ZNF787: variants seen among roughly 807,000 people sequenced by gnomAD.
The protein encoded by ZNF787 is TTF-I-interacting peptide 20.
Under a neutral mutation model 16.9 loss-of-function variants are expected in ZNF787, and 7 were observed. The ratio of observed to expected loss-of-function variants is 0.42; its 90% confidence interval spans 0.24 to 0.78. ZNF787 has a LOEUF of 0.78. Among genes scored for constraint, ZNF787 ranks in the 30% least tolerant of loss-of-function variants. ZNF787 has a pLI of 0.30. For synonymous variants in ZNF787, 345 were observed against 270.9 expected (o/e 1.27, Z -2.69); for missense variants, 551 against 589.3 (o/e 0.94, Z 0.67).
At chr19:56,094,941 TCTTAA>T (rs910407637) in intron 2 of ZNF787, among the ~76,000 whole-genome samples, 7 of 152,010 alleles carry the variant, frequency 4.6e-5, no homozygotes, top group Non-Finnish European at 5.9e-5. Flanking sequence ...TGAAACCCCA[TCTTAA>T]CTTAAAAAAA....
chr19:56,095,677 C>A (rs1985843456), intron 2 of ZNF787, among the ~76,000 whole-genome samples: 1 of 152,246 alleles, frequency 6.6e-6, no homozygotes, highest in Non-Finnish European at 1.5e-5. Context: ...AGGTTCTGCC[C>A]TGCACAGCAC....
At chr19:56,113,596 C>T (rs1198489462) in intron 1 of ZNF787, among the ~76,000 whole-genome samples, 2 of 152,026 alleles carry the variant, frequency 1.3e-5, no homozygotes, top group Non-Finnish European at 2.9e-5. Context: ...AAAACAAGCC[C>T]GATGCAGAAC....
At chr19:56,090,747 G>T (rs957617433) in intron 2 of ZNF787, among the ~76,000 whole-genome samples, 14 of 152,298 alleles carry the variant, frequency 9.2e-5, no homozygotes, top group Admixed American at 7.8e-4. Context: ...ACTTGAACCC[G>T]GGAGGCAGAG....
At chr19:56,111,993 C>G (rs939204717) in intron 1 of ZNF787, among the ~76,000 whole-genome samples, 29 of 152,174 alleles carry the variant, frequency 1.9e-4, no homozygotes, top group Admixed American at 1.7e-3. Flanking sequence ...CCCCAGTTCT[C>G]TTCTTCTCCC....
chr19:56,115,701 C>T (rs577478476), intron 1 of ZNF787, among the ~76,000 whole-genome samples: 3 of 152,290 alleles, frequency 2.0e-5, no homozygotes, highest in South Asian at 2.1e-4. Context: ...TCCTCGGGGG[C>T]ATCAGCACAG....
At chr19:56,095,424 T>C (rs188700632) in intron 2 of ZNF787, among the ~76,000 whole-genome samples, 19 of 152,074 alleles carry the variant, frequency 1.2e-4, no homozygotes, top group African/African-American at 4.4e-4. Flanking sequence ...TTTGGGAAGG[T>C]TGAACTCAGT....
intron 2 of ZNF787, 117 bp downstream of exon 2, chr19:56,103,022 C>A: frequency 8.4e-7 from 1 of 1,189,974 alleles, no homozygotes; most frequent in East Asian, 2.4e-5. Context: ...GTCGGGTGGT[C>A]CCAGGGCCCC....
chr19:56,101,166 AG>A (rs1210743056), intron 2 of ZNF787, among the ~76,000 whole-genome samples: 4 of 149,326 alleles, frequency 2.7e-5, no homozygotes, highest in Non-Finnish European at 6.0e-5. Context: ...CGCCATGGCC[AG>A]GCCAACCCCC....
At chr19:56,092,049 T>TGAAGC (rs1568523633) in intron 2 of ZNF787, among the ~76,000 whole-genome samples, 13 of 137,080 alleles carry the variant, frequency 9.5e-5, no homozygotes, top group African/African-American at 3.9e-4. Context: ...AGCCGAAGCC[T>TGAAGC]CACCCTCACC....
At chr19:56,109,550 A>G (rs1383730649) in intron 1 of ZNF787, among the ~76,000 whole-genome samples, 1 of 152,202 alleles carries the variant, frequency 6.6e-6, no homozygotes, top group Non-Finnish European at 1.5e-5. Context: ...CCTCAGGTCT[A>G]ACTGCTTCAG....
At chr19:56,095,309 C>G (rs919123455) in intron 2 of ZNF787, among the ~76,000 whole-genome samples, 2 of 152,234 alleles carry the variant, frequency 1.3e-5, no homozygotes, top group African/African-American at 4.8e-5. Flanking sequence ...GTACCAAGGA[C>G]TGGGGACCCT....
At chr19:56,116,729 CG>C in intron 1 of ZNF787, among the ~76,000 whole-genome samples, 1 of 152,226 alleles carries the variant, frequency 6.6e-6, no homozygotes, top group East Asian at 1.9e-4. Flanking sequence ...GATTCTCCCC[CG>C]GGGCCTTTGC....
rs550057646 is a variant in ZNF787 at position 56,098,469 on chromosome 19, G to A, written c.79+4670C>T. Among the ~76,000 whole-genome samples the A allele has an allele frequency of 2.6e-5, 4 of 151,232 alleles. No homozygotes were observed. In the South Asian group the frequency reaches 6.3e-4, roughly 24 times the overall value. On this transcript the variant is annotated intron_variant, in intron 2 of 2. Transcript: ENST00000610935. ...GGTGATACGGCCGCAGGGTGATTAC[G>A]GCCGCAAGGTGATGCCGCCCGGGTG...
chr19:56,103,207 C>T lies in ZNF787; in HGVS notation c.11G>A (p.Arg4Gln), dbSNP rs936828325. 13 of 1,559,258 alleles carry T rather than the reference C, an allele frequency of 8.3e-6. No individual in the cohort carries two copies. Among genetic ancestry groups the T allele is most frequent in the East Asian group, 4.5e-5 (2 of 44,386 alleles). MEL[R>Q]EEAWSPGPLD... ...CGGCCCCGGAGACCAGGCTTCTTCC[C>T]GCAGCTCCATGTCTGGGTCCCTGTT... Residue 4 changes from arginine (R) to glutamine (Q), a missense_variant, in exon 2 of 3, where the codon CGG becomes CAG. Around this residue, in one of 4 missense-constraint regions of ZNF787, gnomAD observed 80 missense variants for 105.9 expected, o/e 0.76. Transcript: ENST00000610935.
rs1256424541 is a variant in ZNF787 at position 56,121,260 on chromosome 19, C to T, written c.-99G>A. ...CAGCGGCGGCAGCGGCGACTCAGAC[C>T]CTGGGGTCAGGGGGACGGGCGCCCA... is the stretch of plus-strand genomic sequence containing the variant. On this transcript the variant is annotated 5_prime_UTR_variant, in exon 1 of 3. Transcript: ENST00000610935. 1.3e-5 allele frequency: 2 copies of T among 151,000 alleles called. No homozygotes were observed. Among genetic ancestry groups the T allele is most frequent in the Non-Finnish European group, 3.0e-5 (2 of 67,778 alleles). The allele number at this position is 151,000 out of a possible 1,614,324, so 9.4% of individuals were successfully genotyped here. A position where few individuals can be genotyped will look rare whatever the true frequency, so the allele number is the denominator to read the frequency against.
At chr19:56,118,958 C>CT (rs2030212527) in intron 1 of ZNF787, among the ~76,000 whole-genome samples, 1 of 152,136 alleles carries the variant, frequency 6.6e-6, no homozygotes, top group African/African-American at 2.4e-5. Flanking sequence ...TCCTTCCTCT[C>CT]TATCTTTCAA....
rs2030244701 is a variant in ZNF787 at position 56,120,089 on chromosome 19, C to A, written c.-11+1083G>T. 2.0e-5 allele frequency among the ~76,000 whole-genome samples: 3 copies of A among 152,236 alleles called. No homozygotes were observed. The South Asian group carries it at 6.2e-4, about 31-fold the overall frequency. ...GCCCCCAGACCTCTCCATCAGGGGT[C>A]TGGTCACCTTGGATGGCGACTCTGT... is the stretch of plus-strand genomic sequence containing the variant. On this transcript the variant is annotated intron_variant, in intron 1 of 2. Transcript: ENST00000610935.
rs552065813 is a variant in ZNF787 at position 56,087,592 on chromosome 19, G to A, written c.*431C>T. 1 of 155,770 alleles carries A rather than the reference G, an allele frequency of 6.4e-6. No individual in the cohort carries two copies. Among genetic ancestry groups the A allele is most frequent in the African/African-American group, 2.4e-5 (1 of 41,240 alleles). The allele number at this position is 155,770 out of a possible 1,614,324, so 9.6% of individuals were successfully genotyped here. ...GGCTGATTAAAAGAAAATTCTAAAAGAGAAAAGGGCCCCTGGTTCTCTTCC... is the reference window on the plus strand; with the variant it reads ...GGCTGATTAAAAGAAAATTCTAAAAAAGAAAAGGGCCCCTGGTTCTCTTCC... On this transcript the variant is annotated 3_prime_UTR_variant, in exon 3 of 3. Transcript: ENST00000610935.
rs1392879679 is a variant in ZNF787, at chr19:56,103,808, C to T, written c.-10-581G>A. 2.6e-4 allele frequency among the ~76,000 whole-genome samples: 38 copies of T among 145,900 alleles called. 5 individuals carry two copies. The highest frequency in any genetic ancestry group is 2.7e-4 in the Admixed American group (4 of 14,872). ...CACGCACCAGGAGGGTCTCTACGCA[C>T]GACACCACCGACCCGTGCCACGCAC... On this transcript the variant is annotated intron_variant, in intron 1 of 2. Coordinates refer to ENST00000610935, the MANE Select transcript of ZNF787 (RefSeq NM_001002836.4).
Sources: allele counts gnomAD v4.1 joint callset (sites outside exome capture counted in the v4.1 genomes callset), GRCh38; gene constraint gnomAD v4.1.1; regional missense constraint gnomAD v4.1.1; transcripts MANE v1.5; gene names NCBI Gene and HGNC (gene_info 2026-07-23, HGNC 2026-07-21).